Variants in SMCO2 observed in about 807,000 individuals in gnomAD.
SMCO2 encodes the protein single-pass membrane protein with coiled-coil domains 2.
Under a neutral mutation model 29.5 loss-of-function variants are expected in SMCO2, and 25 were observed. That is an observed-to-expected ratio of 0.85 (90% CI 0.62 to 1.18). The LOEUF (loss-of-function observed/expected upper bound fraction) is 1.18. Among genes scored for constraint, SMCO2 ranks in the 50% most tolerant of loss-of-function variants. The pLI is 0.00. For synonymous variants in SMCO2, 117 were observed against 123.3 expected, an observed-to-expected ratio of 0.95 and a Z score of 0.34; for missense variants, 348 against 344.5, an observed-to-expected ratio of 1.01 and a Z score of -0.08.
chr12:27,463,886 GA>G (rs1234819689), upstream of SMCO2, among the ~76,000 whole-genome samples: 50 of 152,322 alleles, frequency 3.3e-4, no homozygotes, highest in African/African-American at 1.2e-3. Flanking sequence ...GCAGAGTGAA[GA>G]AATCATTTTT....
the SMCO2 span, among the ~76,000 whole-genome samples, chr12:27,459,079 C>T: frequency 6.0e-5 from 9 of 149,446 alleles, no homozygotes; most frequent in Admixed American, 3.4e-4. Flanking sequence ...CCCAGCTACT[C>T]GGGAGGCTGA....
At chr12:27,426,326 T>TA in the SMCO2 span, among the ~76,000 whole-genome samples, 1 of 151,934 alleles carries the variant, frequency 6.6e-6, no homozygotes, top group Non-Finnish European at 1.5e-5. Context: ...AGGTAAGAGT[T>TA]ACATGAGGAG....
At chr12:27,474,990 G>A (rs1949572706) in intron 4 of SMCO2, 77 bp downstream of exon 4, 4 of 1,477,470 alleles carry the variant, frequency 2.7e-6, no homozygotes, top group African/African-American at 2.8e-5. Flanking sequence ...GATAACTTAG[G>A]GAAAGTCTGG....
At chr12:27,432,660 G>C in the SMCO2 span, among the ~76,000 whole-genome samples, 3,571 of 152,310 alleles carry the variant, frequency 0.023, 59 homozygotes, top group Middle Eastern at 0.044. Flanking sequence ...GTGGGCTTCA[G>C]AACCCTTTTC....
At chr12:27,442,822 A>C in the SMCO2 span, among the ~76,000 whole-genome samples, 1 of 152,128 alleles carries the variant, frequency 6.6e-6, no homozygotes, top group Non-Finnish European at 1.5e-5. Context: ...AGGTCTCACT[A>C]TGTTGCCCAG....
chr12:27,488,796 G>A (rs1226494282), intron 5 of SMCO2, among the ~76,000 whole-genome samples: 1 of 152,140 alleles, frequency 6.6e-6, no homozygotes, highest in Non-Finnish European at 1.5e-5. Context: ...GCCACCTTAA[G>A]ATGAGTACCT....
At chr12:27,426,627 A>G in the SMCO2 span, among the ~76,000 whole-genome samples, 20 of 152,222 alleles carry the variant, frequency 1.3e-4, no homozygotes, top group African/African-American at 4.8e-4. Context: ...ACAGTATGAT[A>G]ATAAATGTTG....
chr12:27,428,473 T>G, the SMCO2 span, among the ~76,000 whole-genome samples: 1 of 152,170 alleles, frequency 6.6e-6, no homozygotes, highest in South Asian at 2.1e-4. Flanking sequence ...TCTTTTTGTT[T>G]GGCTGTTTTG....
chr12:27,487,033 T>C (rs1037786120), intron 4 of SMCO2, among the ~76,000 whole-genome samples: 3 of 152,196 alleles, frequency 2.0e-5, no homozygotes, highest in African/African-American at 7.2e-5. Flanking sequence ...GGGTATGCCA[T>C]CAAAACCAAG....
chr12:27,427,030 T>C, the SMCO2 span, among the ~76,000 whole-genome samples: 2 of 152,212 alleles, frequency 1.3e-5, no homozygotes, highest in Non-Finnish European at 2.9e-5. Context: ...CAGTCCCTGC[T>C]CTTAAGAGAC....
At chr12:27,434,720 T>TAGCC in the SMCO2 span, among the ~76,000 whole-genome samples, 3,426 of 152,240 alleles carry the variant, frequency 0.023, 140 homozygotes, top group African/African-American at 0.078. Flanking sequence ...GAAAATAAGG[T>TAGCC]AGCCATTCCC....
the SMCO2 span, among the ~76,000 whole-genome samples, chr12:27,450,288 C>A: frequency 1.3e-5 from 2 of 152,114 alleles, no homozygotes; most frequent in Non-Finnish European, 2.9e-5. Flanking sequence ...TTTCTCTGGC[C>A]CTCCTCCCTC....
chr12:27,474,006 C>T (rs1030455570), intron 3 of SMCO2, among the ~76,000 whole-genome samples: 46 of 152,140 alleles, frequency 3.0e-4, no homozygotes, highest in African/African-American at 4.6e-4. Context: ...ATAGAGTAGG[C>T]GTTTTCCCCC....
the SMCO2 span, among the ~76,000 whole-genome samples, chr12:27,445,391 G>T: frequency 5.9e-5 from 9 of 151,886 alleles, no homozygotes; most frequent in East Asian, 1.7e-3. Flanking sequence ...GCACTATTTG[G>T]CATATAATTA....
chr12:27,428,860 G>A, the SMCO2 span, among the ~76,000 whole-genome samples: 1 of 145,020 alleles, frequency 6.9e-6, no homozygotes, highest in Non-Finnish European at 1.5e-5. Context: ...AAAATGGGAT[G>A]CCTAGATTAC....
At chr12:27,476,599 T>C (rs1372619487) in intron 4 of SMCO2, among the ~76,000 whole-genome samples, 1 of 152,160 alleles carries the variant, frequency 6.6e-6, no homozygotes, top group East Asian at 1.9e-4. Context: ...TTGATCCTTT[T>C]GTCATTATAT....
chr12:27,483,989 A>G (rs1367643701), intron 4 of SMCO2, among the ~76,000 whole-genome samples: 1 of 152,172 alleles, frequency 6.6e-6, no homozygotes, highest in Non-Finnish European at 1.5e-5. Flanking sequence ...TAAGAAAAAA[A>G]TTGTTTATAT....
At chr12:27,480,711 C>A (rs975413739) in intron 4 of SMCO2, among the ~76,000 whole-genome samples, 7 of 145,264 alleles carry the variant, frequency 4.8e-5, no homozygotes, top group Non-Finnish European at 1.1e-4. Flanking sequence ...TCCCCCCCCT[C>A]TCTCTCTCTT....
At chr12:27,472,997 C>A in intron 3 of SMCO2, 122 bp downstream of exon 3, 1 of 727,952 alleles carries the variant, frequency 1.4e-6, no homozygotes, top group African/African-American at 1.8e-5. Context: ...CTAATTGGTG[C>A]AGAACTTCAA....
Sources: allele counts gnomAD v4.1 joint callset (sites outside exome capture counted in the v4.1 genomes callset), GRCh38; gene constraint gnomAD v4.1.1; transcripts MANE v1.5; gene names NCBI Gene and HGNC (gene_info 2026-07-23, HGNC 2026-07-21).